The following MPPED2 variants were observed in gnomAD, a reference collection of about 807,000 sequenced individuals.
MPPED2 encodes metallophosphoesterase domain containing 2.
Under a neutral mutation model 33.0 loss-of-function variants are expected in MPPED2, and 5 were observed. The observed-to-expected ratio is 0.15, with a 90% CI of 0.08 to 0.32. MPPED2 has a LOEUF of 0.32. Among genes scored for constraint, MPPED2 ranks in the 10% least tolerant of loss-of-function variants. The pLI, the probability that MPPED2 is intolerant of heterozygous loss-of-function variation, is 1.00. For synonymous variants in MPPED2, 136 were observed against 141.9 expected, an observed-to-expected ratio of 0.96 and a Z score of 0.29; for missense variants, 275 against 372.1, an observed-to-expected ratio of 0.74 and a Z score of 2.15.
chr11:30,536,092 T>C lies in MPPED2; in HGVS notation c.212A>G (p.Asp71Gly), dbSNP rs754561784. 3 of 1,613,618 alleles carry C rather than the reference T, an allele frequency of 1.9e-6. No homozygotes were observed. The highest frequency in any genetic ancestry group is 2.5e-6 in the Non-Finnish European group (3 of 1,179,830). The change falls in exon 3 of 7, where the codon GAT becomes GGT. Residue 71 changes from aspartate to glycine, a missense_variant. Transcript: ENST00000358117. Reference sequence around the variant, plus strand: ...GTCCCCATAAGGCATCTGGATACCATCTGTTCTGGAGTGTGTGTCTGAGAT... The same window carrying C: ...GTCCCCATAAGGCATCTGGATACCACCTGTTCTGGAGTGTGTGTCTGAGAT... Reference protein sequence around the residue: ...VCISDTHSRTDGIQMPYGDIL... With the variant: ...VCISDTHSRTGGIQMPYGDIL...
chr11:30,511,893 T>C (rs369405720), intron 3 of MPPED2, among the ~76,000 whole-genome samples: 18 of 152,312 alleles, frequency 1.2e-4, no homozygotes, highest in African/African-American at 4.1e-4. Context: ...ATTAGCAAGA[T>C]TGGGCTAAAT....
chr11:30,440,629 CA>C (rs1246715033), intron 4 of MPPED2, among the ~76,000 whole-genome samples: 8 of 152,184 alleles, frequency 5.3e-5, no homozygotes, highest in African/African-American at 9.7e-5. Context: ...CTCAAGGCAG[CA>C]AAACTGGTAG....
chr11:30,392,847 G>T (rs1350061385), intron 6 of MPPED2, among the ~76,000 whole-genome samples: 1 of 152,234 alleles, frequency 6.6e-6, no homozygotes, highest in African/African-American at 2.4e-5. Flanking sequence ...ATCTGAGGAA[G>T]AAGTGCCTAT....
At chr11:30,464,314 C>T (rs564230083) in intron 4 of MPPED2, among the ~76,000 whole-genome samples, 4 of 147,936 alleles carry the variant, frequency 2.7e-5, no homozygotes, top group Non-Finnish European at 5.9e-5. Flanking sequence ...ACTTGACTAT[C>T]GTCTACATTT....
At position 30,484,571 on chromosome 11, in the gene MPPED2, A is replaced by G. The variant is rs549624045; in HGVS notation, c.536+10725T>C. Among the ~76,000 whole-genome samples, 13 of 152,218 alleles carry G rather than the reference A, an allele frequency of 8.5e-5. No individual in the cohort carries two copies. The South Asian group carries it at 2.7e-3, about 32-fold the overall frequency. On this transcript the variant is annotated intron_variant, in intron 4 of 6. Coordinates refer to ENST00000358117, the MANE Select transcript of MPPED2 (RefSeq NM_001584.3). Reference sequence around the variant, plus strand: ...GCCCTCATGGAACAGTCCACATTTAATTTATAGTCACCATCCAAGATTACT... The same window carrying G: ...GCCCTCATGGAACAGTCCACATTTAGTTTATAGTCACCATCCAAGATTACT...
At chr11:30,495,636 C>G in intron 3 of MPPED2, 115 bp from the exon 4 acceptor site, 1 of 695,722 alleles carries the variant, frequency 1.4e-6, no homozygotes, top group Non-Finnish European at 2.5e-6. Flanking sequence ...TCGCAAATTC[C>G]TTTACATTTC....
chr11:30,554,266 T>C (rs1376536001), intron 2 of MPPED2, among the ~76,000 whole-genome samples: 1 of 152,178 alleles, frequency 6.6e-6, no homozygotes, highest in African/African-American at 2.4e-5. Context: ...TTCACACTGC[T>C]CAGAGACAAG....
intron 2 of MPPED2, among the ~76,000 whole-genome samples, chr11:30,562,452 A>T (rs1158350542): frequency 6.6e-6 from 1 of 152,180 alleles, no homozygotes; most frequent in Non-Finnish European, 1.5e-5. Flanking sequence ...CGGGAAGCCT[A>T]CCTTCTTTCA....
intron 6 of MPPED2, among the ~76,000 whole-genome samples, chr11:30,399,136 T>C (rs551859438): frequency 6.8e-6 from 1 of 146,736 alleles, no homozygotes; most frequent in African/African-American, 2.5e-5. Flanking sequence ...TGGCAGGATA[T>C]GGAAACATTA....
At chr11:30,445,054 G>T (rs887978896) in intron 4 of MPPED2, among the ~76,000 whole-genome samples, 1 of 152,260 alleles carries the variant, frequency 6.6e-6, no homozygotes, top group African/African-American at 2.4e-5. Context: ...TTCCTTTAAA[G>T]CTTCCATCTT....
intron 6 of MPPED2, among the ~76,000 whole-genome samples, chr11:30,403,409 A>G (rs958600734): frequency 3.9e-5 from 6 of 152,250 alleles, no homozygotes; most frequent in Non-Finnish European, 7.3e-5. Context: ...CACCGAAAAT[A>G]CTTTAATGCA....
intron 3 of MPPED2, among the ~76,000 whole-genome samples, chr11:30,496,726 G>T (rs1952278952): frequency 1.3e-5 from 2 of 151,006 alleles, no homozygotes; most frequent in East Asian, 2.0e-4. Context: ...GTGGGGGGAG[G>T]TGAGGGGAGC....
chr11:30,581,554 T>C (rs1453301364), intron 1 of MPPED2, among the ~76,000 whole-genome samples: 1 of 152,204 alleles, frequency 6.6e-6, no homozygotes, highest in Non-Finnish European at 1.5e-5. Flanking sequence ...CAGAATAGGT[T>C]TGCCATGTGC....
In MPPED2 at chr11:30,411,100, T is replaced by C. The variant is rs1948085170; in HGVS notation, c.*368A>G. On this transcript the variant is annotated 3_prime_UTR_variant, in exon 7 of 7. Coordinates refer to ENST00000358117, the MANE Select transcript of MPPED2 (RefSeq NM_001584.3). ...CTTAAACAGTTGTGCAAATCTGTGT[T>C]GGTTTTTAAAACACTGCCTGTTTCT... 1.0e-6 allele frequency: 1 copy of C among 990,498 alleles called. No homozygotes were observed. The highest frequency in any genetic ancestry group is 4.7e-5 in the South Asian group (1 of 21,420). The allele number at this position is 990,498 out of a possible 1,614,324, so 61.4% of individuals were successfully genotyped here. A position where few individuals can be genotyped will look rare whatever the true frequency, so the allele number is the denominator to read the frequency against.
Position 30,557,747 on chromosome 11 carries a change from G to A in MPPED2, c.129-21572C>T, listed in dbSNP as rs1166173042. Among the ~76,000 whole-genome samples the A allele has an allele frequency of 3.3e-5, 5 of 152,296 alleles. 1 individual carries two copies. In the East Asian group the frequency reaches 5.8e-4, roughly 18 times the overall value. ...TGCTGGGTCAACATTCTGACAGTCA[G>A]TCCAACATATTTGAAGATAAGTGAA... On this transcript the variant is annotated intron_variant, in intron 2 of 6. Coordinates refer to ENST00000358117, the MANE Select transcript of MPPED2 (RefSeq NM_001584.3).
chr11:30,449,208 C>A (rs1207151964), intron 4 of MPPED2, among the ~76,000 whole-genome samples: 1 of 136,384 alleles, frequency 7.3e-6, no homozygotes, highest in African/African-American at 2.9e-5. Flanking sequence ...ATGAATGCCC[C>A]TATGTATAGC....
intron 3 of MPPED2, among the ~76,000 whole-genome samples, chr11:30,511,492 A>C (rs475183): frequency 0.97 from 147,618 of 152,332 alleles, 71,587 homozygotes; most frequent in Middle Eastern, 0.99. Context: ...TGAGGGGGAT[A>C]AGTCAATATT....
intron 6 of MPPED2, among the ~76,000 whole-genome samples, chr11:30,391,586 T>C (rs895472004): frequency 6.6e-6 from 1 of 152,170 alleles, no homozygotes; most frequent in Admixed American, 6.5e-5. Context: ...GGAATGATTG[T>C]GTATGTTTCT....
chr11:30,417,620 T>C lies in MPPED2; in HGVS notation c.550A>G (p.Asn184Asp). 2 of 1,610,862 alleles carry C rather than the reference T, an allele frequency of 1.2e-6. No homozygotes were observed. Among genetic ancestry groups the C allele is most frequent in the Non-Finnish European group, 1.7e-6 (2 of 1,177,366 alleles). Residue 184 changes from asparagine to aspartate, a missense_variant, in exon 5 of 7, where the codon AAT becomes GAT. Physicochemically the swap from Asn to Asp is conservative, Grantham distance 23 (BLOSUM62 1). Coordinates refer to ENST00000358117, the MANE Select transcript of MPPED2 (RefSeq NM_001584.3). ...IYGAPWTPWF[N>D]GWGFNLPRGQ... ...CTGGGTAGGTTAAAGCCCCATCCATTAAACCACGGGGTCCTTTGGGGGAGA... is the reference window on the plus strand; with the variant it reads ...CTGGGTAGGTTAAAGCCCCATCCATCAAACCACGGGGTCCTTTGGGGGAGA...
Sources: allele counts gnomAD v4.1 joint callset (sites outside exome capture counted in the v4.1 genomes callset), GRCh38; gene constraint gnomAD v4.1.1; transcripts MANE v1.5; gene names NCBI Gene and HGNC (gene_info 2026-07-23, HGNC 2026-07-21).